Variants in STPG2 observed in about 807,000 individuals in gnomAD.
The protein encoded by STPG2 is sperm-tail PG-rich repeat-containing protein 2.
In STPG2, 56 loss-of-function variants were observed where a neutral mutation model predicts 54.2. That is an observed-to-expected ratio of 1.03 (90% confidence interval 0.83 to 1.29). The LOEUF (loss-of-function observed/expected upper bound fraction) is 1.29, where lower values mean the gene tolerates loss of function less well. Among genes scored for constraint, STPG2 ranks in the 50% most tolerant of loss-of-function variants. The pLI, the probability that STPG2 is intolerant of heterozygous loss-of-function variation, is 0.00. For synonymous variants in STPG2, 200 were observed against 181.8 expected (o/e 1.10, Z -0.81); for missense variants, 596 against 544.9 (o/e 1.09, Z -0.93).
chr4:98,142,627 TAATA>T (rs1257848628), intron 1 of STPG2, among the ~76,000 whole-genome samples: 2 of 152,220 alleles, frequency 1.3e-5, no homozygotes, highest in East Asian at 3.9e-4. Flanking sequence ...AGCTACATCT[TAATA>T]AATAAATGTC....
chr4:97,496,823 T>C (rs1184263801), intron 4 of STPG2, among the ~76,000 whole-genome samples: 6 of 151,820 alleles, frequency 4.0e-5, no homozygotes, highest in African/African-American at 9.7e-5. Context: ...AGACTCACCA[T>C]GTGGCATTCA....
chr4:98,042,538 C>CA lies in STPG2; in HGVS notation c.613-61221dup, dbSNP rs1050749216. On this transcript the variant is annotated intron_variant, in intron 5 of 10. Transcript: ENST00000295268. ...GTTGTGTCCCCATTTTTATTCATTT[C>CA]AAAAAAAATCAATTTTTATCTTAAT... Among the ~76,000 whole-genome samples the CA allele has an allele frequency of 2.2e-4, 34 of 151,450 alleles. No homozygotes were observed. In the Middle Eastern group the frequency reaches 0.014, roughly 61 times the overall value.
At chr4:97,992,497 T>C (rs775577469) in intron 5 of STPG2, among the ~76,000 whole-genome samples, 6 of 152,246 alleles carry the variant, frequency 3.9e-5, no homozygotes, top group Non-Finnish European at 8.8e-5. Context: ...TTTTGGTGAC[T>C]ATAGCCTTGT....
chr4:97,662,793 G>C (rs1388891411), intron 10 of STPG2, among the ~76,000 whole-genome samples: 1 of 152,104 alleles, frequency 6.6e-6, no homozygotes, highest in Non-Finnish European at 1.5e-5. Context: ...ACTAGAGTGG[G>C]GAGGAAGTGG....
chr4:97,838,374 A>C (rs773131181), intron 9 of STPG2, among the ~76,000 whole-genome samples: 1 of 151,438 alleles, frequency 6.6e-6, no homozygotes, highest in Non-Finnish European at 1.5e-5. Flanking sequence ...ATGATGTTTT[A>C]AAAATCAAAT....
chr4:97,569,304 T>C (rs977263891), intron 10 of STPG2, among the ~76,000 whole-genome samples: 2 of 152,162 alleles, frequency 1.3e-5, no homozygotes, highest in African/African-American at 2.4e-5. Context: ...GCATTATAAT[T>C]AGTGTACTAT....
rs1181082166 is a variant in STPG2 at position 97,559,019 on chromosome 4, C to A, written c.*39G>T. On this transcript the variant is annotated 3_prime_UTR_variant, in exon 11 of 11. Coordinates refer to ENST00000295268, the MANE Select transcript of STPG2 (RefSeq NM_174952.3). ...AAATGACAAAGAAATAAACTGACTTCCATGAAGTTGTTTTTTAAGTTTTTG... is the reference window on the plus strand; with the variant it reads ...AAATGACAAAGAAATAAACTGACTTACATGAAGTTGTTTTTTAAGTTTTTG... The A allele has an allele frequency of 6.8e-7, 1 of 1,480,824 alleles. No homozygotes were observed. The highest frequency in any genetic ancestry group is 9.3e-7 in the Non-Finnish European group (1 of 1,076,546). 91.7% of individuals were successfully genotyped at this position (1,480,824 alleles called of 1,614,324 possible). A position where few individuals can be genotyped will look rare whatever the true frequency, so the allele number is the denominator to read the frequency against.
At chr4:97,967,809 A>T (rs1391810490) in intron 7 of STPG2, among the ~76,000 whole-genome samples, 1 of 152,210 alleles carries the variant, frequency 6.6e-6, no homozygotes, top group Non-Finnish European at 1.5e-5. Context: ...CTTTGAAACC[A>T]ATGATAACAA....
chr4:97,856,385 T>G (rs979473949), intron 8 of STPG2, among the ~76,000 whole-genome samples: 1 of 152,164 alleles, frequency 6.6e-6, no homozygotes, highest in Non-Finnish European at 1.5e-5. Context: ...CTTCCCATGT[T>G]AGCTGTATTC....
intron 9 of STPG2, among the ~76,000 whole-genome samples, chr4:97,748,858 CA>C (rs1162855776): frequency 6.6e-6 from 1 of 151,468 alleles, no homozygotes; most frequent in African/African-American, 2.4e-5. Flanking sequence ...TAGATTTGTA[CA>C]AAAATGGGTT....
intron 9 of STPG2, among the ~76,000 whole-genome samples, chr4:97,767,992 C>G (rs1200950003): frequency 6.6e-6 from 1 of 152,008 alleles, no homozygotes; most frequent in Non-Finnish European, 1.5e-5. Flanking sequence ...ATGGTGAAAC[C>G]CCGTCTCTAC....
intron 1 of STPG2, among the ~76,000 whole-genome samples, chr4:98,135,689 A>G (rs1385089873): frequency 6.6e-6 from 1 of 151,704 alleles, no homozygotes; most frequent in Non-Finnish European, 1.5e-5. Flanking sequence ...AGGTAAAAGG[A>G]AGGGAAAGGG....
intron 9 of STPG2, among the ~76,000 whole-genome samples, chr4:97,824,312 C>G (rs1728184832): frequency 6.6e-6 from 1 of 152,016 alleles, no homozygotes; most frequent in Non-Finnish European, 1.5e-5. Flanking sequence ...CTCTCATAAA[C>G]AGTTATTTTT....
chr4:97,766,396 G>T (rs930897337), intron 9 of STPG2, among the ~76,000 whole-genome samples: 1 of 151,448 alleles, frequency 6.6e-6, no homozygotes, highest in Admixed American at 6.6e-5. Context: ...AATAAAATAG[G>T]GTATAATAAA....
At chr4:97,853,494 C>A (rs930625216) in intron 8 of STPG2, among the ~76,000 whole-genome samples, 2 of 151,870 alleles carry the variant, frequency 1.3e-5, no homozygotes, top group East Asian at 3.9e-4. Context: ...ATGTCAAATT[C>A]AATAGCACAT....
chr4:97,972,284 TAATC>T lies in STPG2; in HGVS notation c.925_928del (p.Asp309IlefsTer19), dbSNP rs1483601719. 6.3e-7 allele frequency: 1 copy of T among 1,577,954 alleles called. No individual in the cohort carries two copies. Among genetic ancestry groups the T allele is most frequent in the African/African-American group, 1.4e-5 (1 of 73,066 alleles). The stretch of plus-strand genomic sequence containing the variant: ...ATTTTTGTATGAATGTATTACCTGA[TAATC>T]AGCAGGTCCAGGGGTAGCACAAGCT... On this transcript the variant is annotated frameshift_variant, in exon 7 of 11. Coordinates refer to ENST00000295268, the MANE Select transcript of STPG2 (RefSeq NM_174952.3). LOFTEE classifies it high-confidence loss of function.
rs397761425 is a variant in STPG2 at position 97,619,537 on chromosome 4, T to TC, written c.1321-60421_1321-60420insG. Among the ~76,000 whole-genome samples the TC allele has an allele frequency of 5.1e-3, 773 of 151,688 alleles. 6 individuals carry two copies. The highest frequency in any genetic ancestry group is 0.017 in the African/African-American group (718 of 41,286). ...CATGATTCCAGTGTTTTTTTTTTTT[T>TC]TCTCACCTCTGGGCACCTCTAGGGC... On this transcript the variant is annotated intron_variant, in intron 10 of 10. Coordinates refer to ENST00000295268, the MANE Select transcript of STPG2 (RefSeq NM_174952.3).
At chr4:98,089,952 C>T in intron 5 of STPG2, among the ~76,000 whole-genome samples, 1 of 151,878 alleles carries the variant, frequency 6.6e-6, no homozygotes, top group Non-Finnish European at 1.5e-5. Flanking sequence ...AATACTAGTC[C>T]TTTGTCAGAT....
At chr4:97,706,623 TA>T (rs1723952255) in intron 10 of STPG2, among the ~76,000 whole-genome samples, 1 of 152,148 alleles carries the variant, frequency 6.6e-6, no homozygotes, top group Non-Finnish European at 1.5e-5. Flanking sequence ...GAGAGAATGG[TA>T]GTCTGAAAAC....
Sources: allele counts gnomAD v4.1 joint callset (sites outside exome capture counted in the v4.1 genomes callset), GRCh38; gene constraint gnomAD v4.1.1; transcripts MANE v1.5; gene names NCBI Gene and HGNC (gene_info 2026-07-23, HGNC 2026-07-21).